The following DDX19B variants were observed in gnomAD, a reference collection of about 807,000 sequenced individuals.
DDX19B encodes DEAD-box helicase 19B, also known as ATP-dependent RNA helicase DDX19B.
In DDX19B, 27 loss-of-function variants were observed where a neutral mutation model predicts 58.1. The observed-to-expected ratio is 0.46, with a 90% confidence interval of 0.34 to 0.64. DDX19B has a LOEUF of 0.64. DDX19B is among the 30% of genes least tolerant of loss of function. The pLI is 0.01. For synonymous variants in DDX19B, 187 were observed against 214.4 expected, an observed-to-expected ratio of 0.87 and a Z score of 1.12; for missense variants, 399 against 596.5, an observed-to-expected ratio of 0.67 and a Z score of 3.45.
At chr16:70,322,517 T>C (rs940334641) in intron 5 of DDX19B, among the ~76,000 whole-genome samples, 2 of 144,832 alleles carry the variant, frequency 1.4e-5, no homozygotes, top group Non-Finnish European at 3.0e-5. Flanking sequence ...GGAATCCGCA[T>C]AGTGGCGGTT....
upstream of DDX19B, among the ~76,000 whole-genome samples, chr16:70,294,313 C>G (rs1393149157): frequency 1.3e-5 from 2 of 151,916 alleles, no homozygotes; most frequent in Non-Finnish European, 2.9e-5. Context: ...GATCTCCTGA[C>G]CTCGTGATCC....
intron 4 of DDX19B, 107 bp downstream of exon 4, chr16:70,316,211 G>GTTTT (rs35388962): frequency 4.8e-5 from 58 of 1,209,816 alleles, no homozygotes; most frequent in Middle Eastern, 2.3e-4. Context: ...AGCTAACCAA[G>GTTTT]TTTTTTTTTT....
chr16:70,297,087 T>C (rs1961250091), upstream of DDX19B, among the ~76,000 whole-genome samples: 1 of 152,102 alleles, frequency 6.6e-6, no homozygotes, highest in African/African-American at 2.4e-5. Flanking sequence ...AGCTAATTTT[T>C]GTATTTTTAG....
chr16:70,313,151 T>G (rs1341051010), intron 2 of DDX19B, among the ~76,000 whole-genome samples: 1 of 150,104 alleles, frequency 6.7e-6, no homozygotes, highest in Non-Finnish European at 1.5e-5. Context: ...CCCGGGTAGC[T>G]GGGACTACAG....
At chr16:70,301,208 G>A (rs1480124027) in intron 1 of DDX19B, among the ~76,000 whole-genome samples, 1 of 152,028 alleles carries the variant, frequency 6.6e-6, no homozygotes, top group Admixed American at 6.6e-5. Flanking sequence ...TTTTAGTGCA[G>A]CCATCTGTCA....
intron 11 of DDX19B, 96 bp from the exon 12 acceptor site, chr16:70,333,425 G>A: frequency 6.3e-7 from 1 of 1,588,066 alleles, no homozygotes; most frequent in South Asian, 1.1e-5. Context: ...CCCCTGCTTA[G>A]GCACCCGGAG....
intron 2 of DDX19B, among the ~76,000 whole-genome samples, chr16:70,313,283 G>T (rs1962182649): frequency 6.6e-6 from 1 of 152,120 alleles, no homozygotes; most frequent in South Asian, 2.1e-4. Context: ...CTCCCAAAGT[G>T]CTGGGATTAT....
chr16:70,291,023 A>G (rs1474300008), upstream of DDX19B, among the ~76,000 whole-genome samples: 1 of 152,252 alleles, frequency 6.6e-6, no homozygotes, highest in African/African-American at 2.4e-5. Context: ...CAAAAAGAGC[A>G]TCCTACACAA....
At chr16:70,297,018 C>T (rs1476196887), upstream of DDX19B, among the ~76,000 whole-genome samples, 15 of 151,476 alleles carry the variant, frequency 9.9e-5, no homozygotes, top group African/African-American at 2.4e-4. Flanking sequence ...CGGGTTCAAG[C>T]GATTCTCCTG....
intron 9 of DDX19B, 64 bp downstream of exon 9, chr16:70,330,132 G>A: frequency 6.3e-7 from 1 of 1,585,236 alleles, no homozygotes; most frequent in South Asian, 1.1e-5. Context: ...ACAGGGCTCA[G>A]GAGGACTGGA....
chr16:70,331,126 G>GAAA (rs1963460117), intron 9 of DDX19B, among the ~76,000 whole-genome samples: 1 of 152,198 alleles, frequency 6.6e-6, no homozygotes, highest in Non-Finnish European at 1.5e-5. Flanking sequence ...ATTCAGGCCA[G>GAAA]AATACAGTGG....
At chr16:70,326,991 C>T (rs569455753) in intron 7 of DDX19B, among the ~76,000 whole-genome samples, 29 of 151,890 alleles carry the variant, frequency 1.9e-4, no homozygotes, top group African/African-American at 5.1e-4. Context: ...CCCACCACTA[C>T]GCCCAGCTAA....
At chr16:70,289,884 A>G (rs1421218747), upstream of DDX19B, 2 of 378,272 alleles carry the variant, frequency 5.3e-6, no homozygotes, top group Non-Finnish European at 1.1e-5. Flanking sequence ...ATATCTTGCT[A>G]TAGTTGTTTA....
chr16:70,309,282 T>G (rs1192462065), intron 1 of DDX19B, among the ~76,000 whole-genome samples: 1 of 151,402 alleles, frequency 6.6e-6, no homozygotes, highest in Non-Finnish European at 1.5e-5. Context: ...GATCACGAGG[T>G]CAGGAGATCG....
chr16:70,316,293 T>C (rs1331480395), intron 4 of DDX19B, among the ~76,000 whole-genome samples, 189 bp downstream of exon 4: 1 of 150,762 alleles, frequency 6.6e-6, no homozygotes, highest in Non-Finnish European at 1.5e-5. Context: ...CACTGCAACC[T>C]CCGCCTCCTG....
upstream of DDX19B, among the ~76,000 whole-genome samples, chr16:70,298,145 C>T (rs1392741447): frequency 3.3e-5 from 5 of 152,152 alleles, no homozygotes; most frequent in African/African-American, 4.8e-5. Context: ...CAGTGGCTCA[C>T]GCCTGTAATC....
intron 3 of DDX19B, among the ~76,000 whole-genome samples, chr16:70,315,228 A>AG (rs1323744352): frequency 6.6e-6 from 1 of 151,434 alleles, no homozygotes; most frequent in Non-Finnish European, 1.5e-5. Flanking sequence ...TACAAAAAAA[A>AG]AAAAAAAAAT....
intron 1 of DDX19B, among the ~76,000 whole-genome samples, chr16:70,309,588 G>A (rs1435012507): frequency 6.6e-6 from 1 of 151,646 alleles, no homozygotes; most frequent in African/African-American, 2.4e-5. Context: ...GGGAGGCCGA[G>A]GCGGGTGGAT....
upstream of DDX19B, among the ~76,000 whole-genome samples, chr16:70,298,007 C>T (rs1961292654): frequency 6.6e-6 from 1 of 152,206 alleles, no homozygotes; most frequent in Admixed American, 6.5e-5. Flanking sequence ...ATGTGAGCTA[C>T]TGTGCCTGGC....
Sources: allele counts gnomAD v4.1 joint callset (sites outside exome capture counted in the v4.1 genomes callset), GRCh38; gene constraint gnomAD v4.1.1; transcripts MANE v1.5; gene names NCBI Gene and HGNC (gene_info 2026-07-23, HGNC 2026-07-21).